PPP3CB: variants seen among roughly 807,000 people sequenced by gnomAD.
The protein encoded by PPP3CB is serine/threonine-protein phosphatase 2B catalytic subunit beta isoform.
In PPP3CB, 8 loss-of-function variants were observed where a neutral mutation model predicts 66.4. That is an observed-to-expected ratio of 0.12 (90% CI 0.07 to 0.22). PPP3CB has a LOEUF of 0.22. Ranked by LOEUF, PPP3CB falls within the 10% of genes least tolerant of loss-of-function variation. PPP3CB has a pLI of 1.00. For missense variants in PPP3CB, 319 were observed against 642.5 expected (o/e 0.50, Z 5.44); for synonymous variants, 208 against 221.2 (o/e 0.94, Z 0.53).
At chr10:73,469,409 C>T (rs1261988468) in intron 8 of PPP3CB, among the ~76,000 whole-genome samples, 4 of 151,988 alleles carry the variant, frequency 2.6e-5, no homozygotes, top group African/African-American at 9.7e-5. Context: ...GGCGAGGTGG[C>T]GGGTGCCTAT....
intron 9 of PPP3CB, among the ~76,000 whole-genome samples, chr10:73,459,422 C>A (rs2056484794): frequency 6.6e-6 from 1 of 152,348 alleles, no homozygotes; most frequent in African/African-American, 2.4e-5. Flanking sequence ...GGAGACGGAG[C>A]TTGCAGTGAG....
intron 3 of PPP3CB, among the ~76,000 whole-genome samples, chr10:73,476,278 T>C (rs564127013): frequency 1.7e-4 from 26 of 152,234 alleles, no homozygotes; most frequent in Non-Finnish European, 3.5e-4. Context: ...GATGCTTATT[T>C]TGATTCTTTG....
At chr10:73,443,312 G>GAAAGAAAGAAA (rs2056190538) in intron 12 of PPP3CB, among the ~76,000 whole-genome samples, 1 of 131,578 alleles carries the variant, frequency 7.6e-6, no homozygotes. Context: ...AAGAAAGAAA[G>GAAAGAAAGAAA]AAAGAAAGAA....
intron 3 of PPP3CB, among the ~76,000 whole-genome samples, chr10:73,476,877 G>T (rs537169007): frequency 6.6e-6 from 1 of 152,004 alleles, no homozygotes; most frequent in Admixed American, 6.6e-5. Flanking sequence ...AAGGGAAGCA[G>T]GACAGACAGA....
chr10:73,462,446 T>C (rs2056538398), intron 9 of PPP3CB, among the ~76,000 whole-genome samples: 1 of 152,096 alleles, frequency 6.6e-6, no homozygotes, highest in African/African-American at 2.4e-5. Context: ...TCAGCTAATG[T>C]TATAAATCAA....
At position 73,463,215 on chromosome 10, in the gene PPP3CB, G is replaced by A. The variant is rs147673201; in HGVS notation, c.1108+4338C>T. On this transcript the variant is annotated intron_variant, in intron 9 of 13. Transcript: ENST00000360663. ...ATTCTTTTGGTTCTCCCCACTCTCC[G>A]TTCCTAATGCTACCAGGCCTTCATT... 9.2e-5 allele frequency among the ~76,000 whole-genome samples: 14 copies of A among 152,162 alleles called. No individual in the cohort carries two copies. In the South Asian group the frequency reaches 1.0e-3, roughly 11 times the overall value.
intron 12 of PPP3CB, 116 bp from the exon 13 acceptor site, chr10:73,440,017 T>C: frequency 9.3e-7 from 1 of 1,079,406 alleles, no homozygotes; most frequent in Non-Finnish European, 1.4e-6. Flanking sequence ...TACTACATCA[T>C]CATTTAAAAT....
Position 73,443,330 on chromosome 10 carries a change from A to AAGAAAGAG in PPP3CB, c.1366+1394_1366+1395insCTCTTTCT, listed in dbSNP as rs1458015567. Among the ~76,000 whole-genome samples the AAGAAAGAG allele has an allele frequency of 7.2e-5, 10 of 138,122 alleles. No homozygotes were observed. The East Asian group carries it at 8.3e-4, about 11-fold the overall frequency. 90.6% of individuals were successfully genotyped at this position (138,122 alleles called of 152,430 possible). A position where few individuals can be genotyped will look rare whatever the true frequency, so the allele number is the denominator to read the frequency against. On this transcript the variant is annotated intron_variant, in intron 12 of 13. Transcript: ENST00000360663. The stretch of plus-strand genomic sequence containing the variant: ...AAAGAAAGAAAGAAAGAAAGAAAGA[A>AAGAAAGAG]AAAGAAAGAGAAGAGAAGAGAGAAA...
chr10:73,478,931 G>C (rs183389631), intron 2 of PPP3CB, among the ~76,000 whole-genome samples: 1 of 152,174 alleles, frequency 6.6e-6, no homozygotes, highest in African/African-American at 2.4e-5. Context: ...AAATTACAAT[G>C]GTGGCAGTTA....
intron 9 of PPP3CB, 135 bp from the exon 10 acceptor site, chr10:73,454,624 G>A (rs1290052331): frequency 4.2e-6 from 2 of 471,148 alleles, no homozygotes; most frequent in East Asian, 3.5e-5. Context: ...CAAGATCGAT[G>A]GAATTTAAAA....
chr10:73,489,339 G>A (rs1019712407), intron 1 of PPP3CB, among the ~76,000 whole-genome samples: 2 of 151,592 alleles, frequency 1.3e-5, no homozygotes, highest in African/African-American at 4.9e-5. Context: ...ATAATTTGTT[G>A]CACACAATAT....
intron 1 of PPP3CB, among the ~76,000 whole-genome samples, chr10:73,491,607 A>T (rs1197463073): frequency 6.6e-6 from 1 of 152,242 alleles, no homozygotes; most frequent in Non-Finnish European, 1.5e-5. Context: ...TTAAAATATA[A>T]TGAAATAGAA....
chr10:73,444,898 T>A, intron 11 of PPP3CB, 76 bp from the exon 12 acceptor site: 2 of 1,354,652 alleles, frequency 1.5e-6, no homozygotes, highest in South Asian at 2.7e-5. Flanking sequence ...AGGGTCTAGA[T>A]ATAGGCCATA....
intron 1 of PPP3CB, among the ~76,000 whole-genome samples, chr10:73,484,552 TG>T (rs200940609): frequency 0.047 from 7,058 of 151,676 alleles, 502 homozygotes; most frequent in African/African-American, 0.15. Flanking sequence ...ATTACAGGCG[TG>T]GAGCCACTGC....
Position 73,483,538 on chromosome 10 carries a change from T to C in PPP3CB, c.86-4021A>G, listed in dbSNP as rs188631327. ...AGGCATGGTGGCCGCATGCCTGTTG[T>C]CCCAGCTACTCAGGAGGCTGAGGCA... On this transcript the variant is annotated intron_variant, in intron 1 of 13. Coordinates refer to ENST00000360663, the MANE Select transcript of PPP3CB (RefSeq NM_021132.4). 1.1e-3 allele frequency among the ~76,000 whole-genome samples: 161 copies of C among 152,030 alleles called. 2 individuals carry two copies. The highest frequency in any genetic ancestry group is 3.6e-3 in the African/African-American group (149 of 41,442).
At chr10:73,453,717 G>A (rs1479721019) in intron 10 of PPP3CB, among the ~76,000 whole-genome samples, 4 of 151,928 alleles carry the variant, frequency 2.6e-5, no homozygotes, top group Admixed American at 6.6e-5. Context: ...GAAGGGAATC[G>A]TTTTCAGTTT....
intron 1 of PPP3CB, among the ~76,000 whole-genome samples, chr10:73,488,701 T>C (rs1041646299): frequency 6.6e-6 from 1 of 152,084 alleles, no homozygotes; most frequent in Non-Finnish European, 1.5e-5. Context: ...ATCCATTGGG[T>C]CTCTTTTAAT....
At chr10:73,446,450 G>GT (rs2056256794) in intron 11 of PPP3CB, 42 bp downstream of exon 11, 23 of 1,565,592 alleles carry the variant, frequency 1.5e-5, no homozygotes, top group Non-Finnish European at 1.6e-5. Context: ...TACAATAAAC[G>GT]TAATTTCTGC....
intron 13 of PPP3CB, among the ~76,000 whole-genome samples, chr10:73,438,800 G>C (rs1164191872): frequency 1.3e-5 from 2 of 152,092 alleles, no homozygotes; most frequent in African/African-American, 4.8e-5. Context: ...ATCACAGTAA[G>C]GCAGCAATGA....
Sources: allele counts gnomAD v4.1 joint callset (sites outside exome capture counted in the v4.1 genomes callset), GRCh38; gene constraint gnomAD v4.1.1; transcripts MANE v1.5; gene names NCBI Gene and HGNC (gene_info 2026-07-23, HGNC 2026-07-21).